Variants in CGN observed in about 807,000 individuals in gnomAD.
CGN encodes the protein cingulin.
Under a neutral mutation model 157.1 loss-of-function variants are expected in CGN, and 121 were observed. The observed-to-expected ratio is 0.77, with a 90% confidence interval of 0.66 to 0.90. The LOEUF is 0.90. CGN is among the 40% of genes least tolerant of loss of function. CGN has a pLI of 0.00. For missense variants in CGN, 1,424 were observed against 1,520.9 expected (o/e 0.94, Z 1.06); for synonymous variants, 535 against 607.5 (o/e 0.88, Z 1.76).
intron 1 of CGN, among the ~76,000 whole-genome samples, chr1:151,512,907 G>C (rs549061854): frequency 1.5e-4 from 23 of 152,350 alleles, no homozygotes; most frequent in Admixed American, 1.4e-3. Flanking sequence ...CCCCTTGTGG[G>C]AGGTGATGGG....
intron 10 of CGN, among the ~76,000 whole-genome samples, chr1:151,528,970 A>T (rs952267546): frequency 5.9e-5 from 9 of 152,214 alleles, no homozygotes; most frequent in Non-Finnish European, 1.0e-4. Flanking sequence ...TGTGGTAGCA[A>T]GTATGAGTAC....
At chr1:151,517,762 T>C (rs190509797) in intron 1 of CGN, among the ~76,000 whole-genome samples, 1 of 152,236 alleles carries the variant, frequency 6.6e-6, no homozygotes, top group East Asian at 1.9e-4. Flanking sequence ...TCCACCTGCC[T>C]CAGCCTCCCA....
intron 10 of CGN, chr1:151,527,789 G>A (rs1283822776): frequency 2.1e-5 from 3 of 143,856 alleles, no homozygotes; most frequent in Non-Finnish European, 2.8e-5. Context: ...CATTTATTGT[G>A]TCACACATTT....
chr1:151,528,907 G>A (rs886436275), intron 10 of CGN, among the ~76,000 whole-genome samples: 5 of 152,094 alleles, frequency 3.3e-5, no homozygotes, highest in African/African-American at 1.2e-4. Flanking sequence ...TAATATATGG[G>A]CCTTAAGGGT....
intron 5 of CGN, 96 bp downstream of exon 5, chr1:151,520,787 C>G (rs1346430941): frequency 3.2e-6 from 3 of 941,478 alleles, no homozygotes; most frequent in Non-Finnish European, 5.0e-6. Flanking sequence ...AGCAATGGAA[C>G]AAGCATGTTT....
Position 151,534,146 on chromosome 1 carries a change from C to T in CGN, c.2904+10C>T, listed in dbSNP as rs564143861. 1.7e-5 allele frequency: 27 copies of T among 1,568,276 alleles called. No individual in the cohort carries two copies. Among genetic ancestry groups the T allele is most frequent in the Non-Finnish European group, 2.3e-5 (27 of 1,156,256 alleles). On this transcript the variant is annotated intron_variant, in intron 15 of 20. Transcript: ENST00000271636. ...GCTGAAGGGTCTCGAGGTGAGGGCA[C>T]TGAGGTGTGACCTGTGGAAAAAGGG...
At position 151,530,514 on chromosome 1, in the gene CGN, C is replaced by T; in HGVS notation, c.2339C>T (p.Ala780Val). 6.3e-7 allele frequency: 1 copy of T among 1,597,866 alleles called. No homozygotes were observed. Among genetic ancestry groups the T allele is most frequent in the Non-Finnish European group, 8.5e-7 (1 of 1,175,880 alleles). The part of the protein sequence containing the change: ...LEAEKQQLEE[A>V]LNASQEEEGS... ...GCAGAGAAACAGCAGCTGGAGGAGG[C>T]CCTGAATGCGTCCCAGGAAGAGGAG... Residue 780 changes from alanine to valine, a missense_variant, in exon 13 of 21, where the codon GCC becomes GTC. Ala to Val is a moderately conservative substitution (Grantham distance 64). Transcript: ENST00000271636.
At chr1:151,517,665 C>T (rs1664444382) in intron 1 of CGN, among the ~76,000 whole-genome samples, 1 of 152,056 alleles carries the variant, frequency 6.6e-6, no homozygotes, top group South Asian at 2.1e-4. Context: ...CATGCGCCAC[C>T]ACGCCTAGCT....
chr1:151,511,203 T>G (rs11204836), upstream of CGN, among the ~76,000 whole-genome samples: 1 of 152,186 alleles, frequency 6.6e-6, no homozygotes, highest in East Asian at 1.9e-4. The surrounding 1 kb of genome is among the most constrained non-coding windows in gnomAD (Gnocchi z 4.8). Context: ...CCGCAGCCCG[T>G]GGGTCCACGT....
In CGN at chr1:151,524,270, G is replaced by T; in HGVS notation, c.1313G>T (p.Arg438Leu). 6.2e-7 allele frequency: 1 copy of T among 1,614,148 alleles called. No homozygotes were observed. Among genetic ancestry groups the T allele is most frequent in the Non-Finnish European group, 8.5e-7 (1 of 1,180,026 alleles). ...CTCTTGGACCAGGGTGAAGATTTAC[G>T]ACATGGGCTGGAGACCCAGGTGATG... The part of the protein sequence containing the change: ...KRLLDQGEDL[R>L]HGLETQVMEL... The change falls in exon 7 of 21, where the codon CGA becomes CTA. Residue 438 changes from arginine to leucine, a missense_variant. This residue lies in a region of CGN where 1,187 missense variants were observed against 1,217.6 expected (regional missense o/e 0.97). Transcript: ENST00000271636. This position sits in a 1 kb window ranked among gnomAD's most constrained non-coding sequence, Gnocchi z 4.4.
chr1:151,517,320 A>G (rs1419285075), intron 1 of CGN, among the ~76,000 whole-genome samples: 1 of 152,048 alleles, frequency 6.6e-6, no homozygotes, highest in African/African-American at 2.4e-5. Context: ...TCCACCTCAA[A>G]GGCATCACTG....
In CGN at chr1:151,520,280, C is replaced by T. The variant is rs373396830; in HGVS notation, c.974+14C>T. On this transcript the variant is annotated intron_variant, in intron 3 of 20. Coordinates refer to ENST00000271636, the MANE Select transcript of CGN (RefSeq NM_020770.3). Reference sequence around the variant, plus strand: ...CCTGAGGGAGGGGTGAGTGGGGGCCCCCCCAACAACAGAGGCATACCCCTC... The same window carrying T: ...CCTGAGGGAGGGGTGAGTGGGGGCCTCCCCAACAACAGAGGCATACCCCTC... The T allele has an allele frequency of 2.5e-6, 4 of 1,600,526 alleles. No homozygotes were observed. In the Admixed American group the frequency reaches 6.7e-5, roughly 27 times the overall value.
At chr1:151,510,957 T>C (rs1664267470), upstream of CGN, 1 of 152,144 alleles carries the variant, frequency 6.6e-6, no homozygotes, top group South Asian at 2.1e-4. Flanking sequence ...AACGGAGATA[T>C]TTTCTGCAGA....
chr1:151,512,690 T>C (rs1297403094), intron 1 of CGN, among the ~76,000 whole-genome samples: 2 of 152,232 alleles, frequency 1.3e-5, no homozygotes, highest in African/African-American at 4.8e-5. Context: ...CTGAGGAAGG[T>C]TGTTGTAATT....
chr1:151,520,042 G>C, intron 2 of CGN, 124 bp from the exon 3 acceptor site: 1 of 711,552 alleles, frequency 1.4e-6, no homozygotes, highest in South Asian at 2.0e-5. Context: ...TGTTCATCAT[G>C]CTTGAAGGGA....
intron 5 of CGN, among the ~76,000 whole-genome samples, chr1:151,521,998 C>G (rs1664552631): frequency 1.3e-5 from 2 of 152,140 alleles, no homozygotes; most frequent in African/African-American, 4.8e-5. Context: ...TTACTCAGGG[C>G]CAGGCATGGT....
upstream of CGN, chr1:151,510,589 G>T (rs925601709): frequency 6.6e-6 from 1 of 152,064 alleles, no homozygotes; most frequent in Non-Finnish European, 1.5e-5. Context: ...TAGAACGAAG[G>T]TCATTCCTAT....
intron 9 of CGN, 105 bp from the exon 10 acceptor site, chr1:151,526,870 C>T (rs549801554): frequency 4.6e-4 from 584 of 1,273,334 alleles, no homozygotes; most frequent in Non-Finnish European, 6.2e-4. Context: ...TGGTGCCCAG[C>T]GTGTTGGCCT....
intron 9 of CGN, 24 bp from the exon 10 acceptor site, chr1:151,526,951 T>C: frequency 1.2e-6 from 2 of 1,614,038 alleles, no homozygotes; most frequent in South Asian, 2.2e-5. Flanking sequence ...CCCTTTCCCC[T>C]TTATTTCACC....
Sources: gnomAD v4.1 joint callset for allele counts (sites outside exome capture counted in the v4.1 genomes callset) on GRCh38, gnomAD v4.1.1 for gene constraint, gnomAD v4.1.1 regional missense constraint, Gnocchi (gnomAD v3.1) non-coding constraint, MANE v1.5 for transcripts, NCBI Gene and HGNC (gene_info 2026-07-23, HGNC 2026-07-21) for gene names.